Variants in SPTSSB observed in about 807,000 individuals in gnomAD.
The protein encoded by SPTSSB is androgen down regulated in mouse prostate.
Under a neutral mutation model 7.7 loss-of-function variants are expected in SPTSSB, and 6 were observed. That is an observed-to-expected ratio of 0.78 (90% CI 0.43 to 1.54). The LOEUF (loss-of-function observed/expected upper bound fraction) is 1.54, where lower values mean the gene tolerates loss of function less well. Ranked by LOEUF, SPTSSB falls within the 40% of genes most tolerant of loss-of-function variation. The pLI is 0.01. For missense variants in SPTSSB, 91 were observed against 93.0 expected (o/e 0.98, Z 0.09); for synonymous variants, 28 against 29.7 (o/e 0.94, Z 0.19).
chr3:161,355,485 TGTG>T (rs932018500), intron 2 of SPTSSB, among the ~76,000 whole-genome samples: 1 of 152,180 alleles, frequency 6.6e-6, no homozygotes, highest in Non-Finnish European at 1.5e-5. Flanking sequence ...AAAAATAAGA[TGTG>T]GTGTATACAT....
At chr3:161,368,776 C>T (rs1225864780) in intron 1 of SPTSSB, among the ~76,000 whole-genome samples, 3 of 152,194 alleles carry the variant, frequency 2.0e-5, no homozygotes, top group Non-Finnish European at 4.4e-5. Context: ...TCTACTTTCT[C>T]TATAGATTTG....
chr3:161,359,612 C>G (rs368423954), intron 2 of SPTSSB, 190 bp downstream of exon 2: 3 of 580,880 alleles, frequency 5.2e-6, no homozygotes, highest in Non-Finnish European at 6.5e-6. Flanking sequence ...TTGAGACCTC[C>G]AAATTACTAG....
At chr3:161,347,224 ATAT>A (rs1347262572) in intron 2 of SPTSSB, among the ~76,000 whole-genome samples, 1 of 152,122 alleles carries the variant, frequency 6.6e-6, no homozygotes, top group African/African-American at 2.4e-5. Flanking sequence ...TTATTTAGAA[ATAT>A]TATTAACTTT....
rs540057498 is a variant in SPTSSB, at chr3:161,359,963, T to C, written c.-125-69A>G. On this transcript the variant is annotated intron_variant, in intron 1 of 2. Transcript: ENST00000620149. ...CAAATTTTAAAACCATTCTGTCCCA[T>C]GTAAATGGTCATTAAGCCATCTAGA... 7.5e-4 allele frequency: 143 copies of C among 190,460 alleles called. 2 individuals carry two copies. The South Asian group carries it at 0.024, about 32-fold the overall frequency. The allele number at this position is 190,460 out of a possible 1,614,324, so 11.8% of individuals were successfully genotyped here. A position where few individuals can be genotyped will look rare whatever the true frequency, so the allele number is the denominator to read the frequency against.
chr3:161,350,056 A>T (rs957099044), intron 2 of SPTSSB, among the ~76,000 whole-genome samples: 2 of 152,154 alleles, frequency 1.3e-5, no homozygotes, highest in Non-Finnish European at 2.9e-5. Flanking sequence ...ATTAAAAAAA[A>T]CCACATGTGG....
intron 1 of SPTSSB, among the ~76,000 whole-genome samples, chr3:161,360,666 A>G (rs1714970290): frequency 6.6e-6 from 1 of 152,182 alleles, no homozygotes; most frequent in South Asian, 2.1e-4. Context: ...AAGTTAAGAA[A>G]AGTACGTATC....
At chr3:161,359,747 A>T in intron 2 of SPTSSB, 55 bp downstream of exon 2, 1 of 985,396 alleles carries the variant, frequency 1.0e-6, no homozygotes, top group Non-Finnish European at 1.2e-6. Flanking sequence ...TCTCACAGTG[A>T]AAAGGGGCAG....
intron 1 of SPTSSB, among the ~76,000 whole-genome samples, chr3:161,370,377 AT>A (rs1715455526): frequency 6.6e-6 from 1 of 152,184 alleles, no homozygotes; most frequent in African/African-American, 2.4e-5. Context: ...GTGACAGTAC[AT>A]TTCATACTAC....
intron 2 of SPTSSB, among the ~76,000 whole-genome samples, chr3:161,356,965 G>C (rs533734155): frequency 6.6e-6 from 1 of 152,062 alleles, no homozygotes; most frequent in Non-Finnish European, 1.5e-5. Context: ...CTGGGCAAAA[G>C]AGTAAGACTC....
rs1715505627 is a variant in SPTSSB, at chr3:161,371,445, G to T, written c.-136C>A. ...TTGGAAGATGCTTACCTCCCAGTTG[G>T]GTGTATCTCCCTGCGGCTTAGGTGA... is the stretch of plus-strand genomic sequence containing the variant. On this transcript the variant is annotated 5_prime_UTR_variant, in exon 1 of 3. Coordinates refer to ENST00000620149, the MANE Select transcript of SPTSSB (RefSeq NM_001040100.2). 21 of 985,278 alleles carry T rather than the reference G, an allele frequency of 2.1e-5. No homozygotes were observed. Among genetic ancestry groups the T allele is most frequent in the Non-Finnish European group, 2.4e-5 (20 of 829,956 alleles). 61.0% of individuals were successfully genotyped at this position (985,278 alleles called of 1,614,324 possible).
intron 1 of SPTSSB, among the ~76,000 whole-genome samples, chr3:161,371,026 T>C (rs775076162): frequency 2.4e-4 from 36 of 152,306 alleles, no homozygotes; most frequent in Middle Eastern, 6.8e-3. Flanking sequence ...TTGCCTAAAG[T>C]ACAGTAGTTT....
intron 1 of SPTSSB, among the ~76,000 whole-genome samples, chr3:161,361,382 T>C (rs1210951316): frequency 2.0e-5 from 3 of 152,176 alleles, no homozygotes; most frequent in Admixed American, 6.5e-5. Context: ...TTTAAGAAGA[T>C]ATTACTAAAA....
chr3:161,365,251 T>A (rs965379714), intron 1 of SPTSSB, among the ~76,000 whole-genome samples: 1 of 152,244 alleles, frequency 6.6e-6, no homozygotes, highest in Non-Finnish European at 1.5e-5. Flanking sequence ...TCCAGCCAGC[T>A]AGCCACTCAG....
chr3:161,369,357 TCTTTCTCTCTCTGTCTCTCTTTCTTTCC>T (rs1715399108), intron 1 of SPTSSB, among the ~76,000 whole-genome samples: 1 of 137,222 alleles, frequency 7.3e-6, no homozygotes, highest in Non-Finnish European at 1.6e-5. Context: ...TCTTTCTCTT[TCTTTCTCTCTCTGTCTCTCTTTCTTTCC>T]TTTTTTTTTT....
intron 2 of SPTSSB, among the ~76,000 whole-genome samples, chr3:161,353,972 AT>A (rs1473475840): frequency 6.6e-6 from 1 of 152,176 alleles, no homozygotes; most frequent in African/African-American, 2.4e-5. Context: ...AGAGGTGAAG[AT>A]TTGGAGTCCA....
intron 2 of SPTSSB, among the ~76,000 whole-genome samples, chr3:161,357,793 G>T (rs1474779475): frequency 6.6e-6 from 1 of 151,320 alleles, no homozygotes; most frequent in Non-Finnish European, 1.5e-5. Flanking sequence ...AAAAAAAAAT[G>T]CCTGAAGCCA....
intron 2 of SPTSSB, among the ~76,000 whole-genome samples, chr3:161,355,563 G>A (rs974908038): frequency 6.6e-6 from 1 of 152,190 alleles, no homozygotes; most frequent in African/African-American, 2.4e-5. Context: ...ACATGGATGA[G>A]CCTTTGTTGT....
At chr3:161,349,435 T>G (rs1238287930) in intron 2 of SPTSSB, among the ~76,000 whole-genome samples, 1 of 152,224 alleles carries the variant, frequency 6.6e-6, no homozygotes, top group Non-Finnish European at 1.5e-5. Flanking sequence ...ATCTATCCAC[T>G]TCCTTAGAGA....
At chr3:161,351,596 A>G (rs1462563968) in intron 2 of SPTSSB, among the ~76,000 whole-genome samples, 1 of 149,276 alleles carries the variant, frequency 6.7e-6, no homozygotes, top group African/African-American at 2.4e-5. Context: ...ACATACACAC[A>G]CAGAGAGAGA....
Sources: allele counts gnomAD v4.1 joint callset (sites outside exome capture counted in the v4.1 genomes callset), GRCh38; gene constraint gnomAD v4.1.1; transcripts MANE v1.5; gene names NCBI Gene and HGNC (gene_info 2026-07-23, HGNC 2026-07-21).